VPS35: variants seen among roughly 807,000 people sequenced by gnomAD.
The protein encoded by VPS35 is vacuolar protein sorting-associated protein 35.
A neutral mutation model predicts 98.1 loss-of-function variants in VPS35; 21 were observed. That is an observed-to-expected ratio of 0.21 (90% CI 0.15 to 0.31). VPS35 has a LOEUF of 0.31. Ranked by LOEUF, VPS35 falls within the 10% of genes least tolerant of loss-of-function variation. VPS35 has a pLI of 1.00. For missense variants in VPS35, 554 were observed against 950.8 expected (o/e 0.58, Z 5.49); for synonymous variants, 268 against 318.2 (o/e 0.84, Z 1.68).
At chr16:46,682,887 A>T (rs1207406972) in intron 2 of VPS35, 1 of 154,918 alleles carries the variant, frequency 6.5e-6, no homozygotes, top group Non-Finnish European at 1.4e-5. Context: ...TATAGTTTAA[A>T]GTACTAACCA....
Position 46,663,046 on chromosome 16 carries a change from T to C in VPS35, c.1764A>G (p.Ala588=). 2.5e-6 allele frequency: 4 copies of C among 1,614,220 alleles called. No individual in the cohort carries two copies. The highest frequency in any genetic ancestry group is 1.6e-4 in the Middle Eastern group (1 of 6,062). ...CAAAACCAATTTCCCCAGCAGCTAGTGCTCCTTGAAGAAAAAGTCTTAAGG... is the reference window on the plus strand; with the variant it reads ...CAAAACCAATTTCCCCAGCAGCTAGCGCTCCTTGAAGAAAAAGTCTTAAGG... ...ELPLRLFLQG[A]LAAGEIGFEN... is the part of the protein sequence containing the mutation. Residue 588 remains alanine (A), a synonymous_variant, in exon 14 of 17, where the codon GCA becomes GCG. Transcript: ENST00000299138.
At chr16:46,681,289 A>T (rs1396520066) in intron 4 of VPS35, 88 bp downstream of exon 4, 28 of 1,575,904 alleles carry the variant, frequency 1.8e-5, no homozygotes, top group Middle Eastern at 1.7e-4. Flanking sequence ...GTTACCCTTA[A>T]AACTTTTTCT....
Position 46,658,843 on chromosome 16 carries a change from G to C in VPS35, c.*1629C>G, listed in dbSNP as rs920582852. ...GGGCTAGTCATCAAGTGCTAGCAAT[G>C]GGAGGGCAGATGGTGAGGGGTTAAG... On this transcript the variant is annotated 3_prime_UTR_variant, in exon 17 of 17. Coordinates refer to ENST00000299138, the MANE Select transcript of VPS35 (RefSeq NM_018206.6). 1.3e-5 allele frequency: 2 copies of C among 152,228 alleles called. No homozygotes were observed. Among genetic ancestry groups the C allele is most frequent in the African/African-American group, 2.4e-5 (1 of 41,460 alleles). 9.4% of individuals were successfully genotyped at this position (152,228 alleles called of 1,614,324 possible).
At chr16:46,687,381 AT>A (rs1966333006) in intron 1 of VPS35, among the ~76,000 whole-genome samples, 1 of 152,238 alleles carries the variant, frequency 6.6e-6, no homozygotes, top group Non-Finnish European at 1.5e-5. Flanking sequence ...TCCAATACAT[AT>A]CCCCAAGAAT....
chr16:46,668,325 T>C (rs1252752003), intron 13 of VPS35, among the ~76,000 whole-genome samples: 1 of 151,996 alleles, frequency 6.6e-6, no homozygotes, highest in Non-Finnish European at 1.5e-5. Flanking sequence ...AACCCAGGAG[T>C]TGGAGGTTGC....
chr16:46,672,994 T>C (rs1309387134), intron 10 of VPS35, among the ~76,000 whole-genome samples: 1 of 152,204 alleles, frequency 6.6e-6, no homozygotes, highest in African/African-American at 2.4e-5. Context: ...TCTGTAGATA[T>C]TGAGGCATAT....
intron 1 of VPS35, 69 bp from the exon 2 acceptor site, chr16:46,683,675 C>A (rs1596725615): frequency 2.8e-6 from 4 of 1,421,360 alleles, no homozygotes; most frequent in Non-Finnish European, 3.9e-6. Context: ...TTCTATAGTT[C>A]TAGCCATAGT....
rs371343319 is a variant in VPS35 at position 46,661,699 on chromosome 16, A to G, written c.2211+19T>C. 9.4e-6 allele frequency: 15 copies of G among 1,591,662 alleles called. No homozygotes were observed. The African/African-American group carries it at 1.9e-4, about 20-fold the overall frequency. On this transcript the variant is annotated intron_variant, in intron 16 of 16. Transcript: ENST00000299138. The surrounding 1 kb of genome is among the most constrained non-coding windows in gnomAD (Gnocchi z 4.3). ...GGGAAAATATTAGTTTATTAACAACACTTTACTAATTCACTTACCGCATCA... is the reference window on the plus strand; with the variant it reads ...GGGAAAATATTAGTTTATTAACAACGCTTTACTAATTCACTTACCGCATCA...
chr16:46,688,784 G>A (rs1191474547), intron 1 of VPS35: 1 of 1,315,976 alleles, frequency 7.6e-7, no homozygotes, highest in Non-Finnish European at 9.7e-7. Flanking sequence ...CAGACGCTCA[G>A]ACCTAGGACT....
chr16:46,688,320 G>A, intron 1 of VPS35: 1 of 987,004 alleles, frequency 1.0e-6, no homozygotes, highest in Non-Finnish European at 1.2e-6. Flanking sequence ...TTGCCTTTGT[G>A]GGAACCAGAC....
rs756262411 is a variant in VPS35 at position 46,679,087 on chromosome 16, C to T, written c.576G>A (p.Lys192=). 6.2e-7 allele frequency: 1 copy of T among 1,614,012 alleles called. No individual in the cohort carries two copies. The highest frequency in any genetic ancestry group is 1.7e-5 in the Admixed American group (1 of 59,950). Residue 192 remains lysine (K), a synonymous_variant, in exon 6 of 17, where the codon AAG becomes AAA. Coordinates refer to ENST00000299138, the MANE Select transcript of VPS35 (RefSeq NM_018206.6). ...CCTGATGCTGCATTCGCACCCAGAG[C>T]TTGTTCATTTCTGCAAAGTTGAGCA... ...FVLLNFAEMN[K]LWVRMQHQGH...
chr16:46,680,100 G>T (rs1265780605), intron 5 of VPS35, among the ~76,000 whole-genome samples: 2 of 152,164 alleles, frequency 1.3e-5, no homozygotes, highest in Admixed American at 6.5e-5. Context: ...ACCACAGTTG[G>T]CTGACCATCT....
intron 3 of VPS35, chr16:46,681,837 T>C: frequency 1.8e-6 from 1 of 550,126 alleles, no homozygotes; most frequent in Non-Finnish European, 3.3e-6. Context: ...CTAAATATCC[T>C]CATGAAGGGT....
chr16:46,669,666 CAA>C (rs949838651), intron 12 of VPS35, among the ~76,000 whole-genome samples: 19 of 60,702 alleles, frequency 3.1e-4, no homozygotes, highest in Admixed American at 5.6e-4. Flanking sequence ...GATTCCATCT[CAA>C]AAAAAAAAAA....
chr16:46,667,178 T>C lies in VPS35; in HGVS notation c.1647+1752A>G, dbSNP rs76939327. On this transcript the variant is annotated intron_variant, in intron 13 of 16. Transcript: ENST00000299138. Reference sequence around the variant, plus strand: ...TTATTCTGACAGATGTGAGGTGACATCTCATAGTGGTTTTGATTTACATTT... The same window carrying C: ...TTATTCTGACAGATGTGAGGTGACACCTCATAGTGGTTTTGATTTACATTT... Among the ~76,000 whole-genome samples, 922 of 152,348 alleles carry C rather than the reference T, an allele frequency of 6.1e-3. 6 individuals are homozygous for C. Among genetic ancestry groups the C allele is most frequent in the Non-Finnish European group, 1.0e-2 (678 of 68,024 alleles).
intron 12 of VPS35, among the ~76,000 whole-genome samples, chr16:46,669,686 A>T (rs1966040874): frequency 6.6e-6 from 1 of 151,844 alleles, no homozygotes; most frequent in Non-Finnish European, 1.5e-5. Flanking sequence ...AAAAAAGAAA[A>T]AAGAAAAGAG....
chr16:46,660,439 A>G lies in VPS35; in HGVS notation c.*33T>C. On this transcript the variant is annotated 3_prime_UTR_variant, in exon 17 of 17. Transcript: ENST00000299138. ...GCGTAATAAAACCCTCACTGGATGT[A>G]CATGGAAAGGAGTATGGTGAGCTAT... 6.2e-7 allele frequency: 1 copy of G among 1,610,832 alleles called. No individual in the cohort carries two copies. The highest frequency in any genetic ancestry group is 8.5e-7 in the Non-Finnish European group (1 of 1,179,322).
chr16:46,676,569 T>C lies in VPS35; in HGVS notation c.914+14A>G, dbSNP rs1315659099. The C allele has an allele frequency of 6.7e-6, 10 of 1,498,088 alleles. No individual in the cohort carries two copies. The highest frequency in any genetic ancestry group is 4.5e-5 in the East Asian group (2 of 44,264). The allele number at this position is 1,498,088 out of a possible 1,614,324, so 92.8% of individuals were successfully genotyped here. ...AAGTCAGAGCATTTATCCGCCAGTG[T>C]TGGAAGGTCTTACCTATCAATTAAA... On this transcript the variant is annotated intron_variant, in intron 8 of 16. Transcript: ENST00000299138.
At chr16:46,681,553 C>T (rs1233118926) in intron 3 of VPS35, 53 bp from the exon 4 acceptor site, 12 of 1,602,248 alleles carry the variant, frequency 7.5e-6, no homozygotes, top group African/African-American at 2.7e-5. Context: ...CTAAACAAAA[C>T]TTTGAAACTT....
Sources: allele counts gnomAD v4.1 joint callset (sites outside exome capture counted in the v4.1 genomes callset), GRCh38; gene constraint gnomAD v4.1.1; non-coding constraint Gnocchi (gnomAD v3.1); transcripts MANE v1.5; gene names NCBI Gene and HGNC (gene_info 2026-07-23, HGNC 2026-07-21).